The following HPN variants were observed in gnomAD, a reference collection of about 807,000 sequenced individuals.
HPN encodes serine protease hepsin.
In HPN, 13 loss-of-function variants were observed where a neutral mutation model predicts 55.9. The ratio of observed to expected loss-of-function variants is 0.23; its 90% CI spans 0.15 to 0.37. HPN has a LOEUF of 0.37. HPN is among the 10% of genes least tolerant of loss of function. HPN has a pLI of 1.00. For missense variants in HPN, 451 were observed against 575.8 expected (o/e 0.78, Z 2.22); for synonymous variants, 225 against 240.3 (o/e 0.94, Z 0.59).
At chr19:35,052,549 A>G (rs909503523) in intron 4 of HPN, among the ~76,000 whole-genome samples, 2 of 151,790 alleles carry the variant, frequency 1.3e-5, no homozygotes, top group South Asian at 4.2e-4. Flanking sequence ...AAAAAAAAAA[A>G]AAAAAAGGCT....
chr19:35,065,357 C>A lies in HPN; in HGVS notation c.907+12C>A. ...CACGCAGTACTATGGTGAGTCCTGT[C>A]CTCTGCCTCTGATGCCACCGTTTGG... On this transcript the variant is annotated intron_variant, in intron 10 of 12. Coordinates refer to ENST00000672452, the MANE Select transcript of HPN (RefSeq NM_001384133.1). 1 of 1,604,122 alleles carries A rather than the reference C, an allele frequency of 6.2e-7. No homozygotes were observed. Among genetic ancestry groups the A allele is most frequent in the Non-Finnish European group, 8.5e-7 (1 of 1,172,462 alleles).
intron 4 of HPN, among the ~76,000 whole-genome samples, chr19:35,053,648 G>A (rs140105410): frequency 0.015 from 2,334 of 152,356 alleles, 19 homozygotes; most frequent in Non-Finnish European, 0.023. Flanking sequence ...GGGAGGCTGA[G>A]GCATGAGAAT....
chr19:35,059,465 G>C (rs750465537), intron 4 of HPN: 94 of 707,192 alleles, frequency 1.3e-4, no homozygotes, highest in Admixed American at 1.2e-4. Flanking sequence ...CTGGGCAACA[G>C]AGCGAGACCC....
chr19:35,059,964 C>A lies in HPN; in HGVS notation c.381C>A (p.His127Gln), dbSNP rs112549208. The A allele has an allele frequency of 4.5e-6, 7 of 1,554,146 alleles. No individual in the cohort carries two copies. The highest frequency in any genetic ancestry group is 1.9e-5 in the Admixed American group (1 of 52,802). ...GTGTGGACGAGGGGAGGCTGCCCCACACCCAGAGGCTGCTGGAGGTCATCT... is the reference window on the plus strand; with the variant it reads ...GTGTGGACGAGGGGAGGCTGCCCCAAACCCAGAGGCTGCTGGAGGTCATCT... ...FFCVDEGRLP[H>Q]TQRLLEVISV... The change falls in exon 6 of 13, where the codon CAC (histidine) becomes CAA (glutamine). Residue 127 changes from histidine to glutamine, a missense_variant. By Grantham distance (24) the His-to-Gln change is conservative. This residue lies in a region of HPN where 378 missense variants were observed against 445.5 expected (regional missense o/e 0.85). Coordinates refer to ENST00000672452, the MANE Select transcript of HPN (RefSeq NM_001384133.1).
intron 4 of HPN, 21 bp from the exon 5 acceptor site, chr19:35,059,652 C>A: frequency 7.0e-6 from 11 of 1,581,700 alleles, no homozygotes; most frequent in Non-Finnish European, 9.4e-6. Context: ...CCAGGCGGCC[C>A]CGGGCCCTGT....
chr19:35,066,172 G>C, intron 12 of HPN, 77 bp from the exon 13 acceptor site: 1 of 1,613,698 alleles, frequency 6.2e-7, no homozygotes. Flanking sequence ...ACTTTGAAGG[G>C]TTCCTGGGGA....
At position 35,059,722 on chromosome 19, in the gene HPN, A is replaced by G. The variant is rs751499798; in HGVS notation, c.210A>G (p.Glu70=). The change falls in exon 5 of 13, where the codon GAA becomes GAG. Residue 70 remains glutamate (E), a synonymous_variant. Transcript: ENST00000672452. ...DARLMVFDKT[E]GTWRLLCSSR... ...GGCTCATGGTCTTTGACAAGACGGAAGGGACGTGGCGGCTGCTGTGCTCCT... is the reference window on the plus strand; with the variant it reads ...GGCTCATGGTCTTTGACAAGACGGAGGGGACGTGGCGGCTGCTGTGCTCCT... 1 of 1,600,064 alleles carries G rather than the reference A, an allele frequency of 6.2e-7. No homozygotes were observed. The highest frequency in any genetic ancestry group is 8.5e-7 in the Non-Finnish European group (1 of 1,174,030).
At chr19:35,062,860 T>G (rs1350291) in intron 9 of HPN, among the ~76,000 whole-genome samples, 129,443 of 151,810 alleles carry the variant, frequency 0.85, 56,242 homozygotes, top group Non-Finnish European at 0.93. Context: ...TCCAGCCTGG[T>G]TGATAGAGCG....
intron 4 of HPN, among the ~76,000 whole-genome samples, chr19:35,050,966 G>A (rs2064399827): frequency 7.5e-6 from 1 of 132,688 alleles, no homozygotes; most frequent in African/African-American, 2.9e-5. Context: ...GCCCAGGCTG[G>A]AGTGCAGTGA....
chr19:35,061,175 C>G (rs1688044), intron 9 of HPN, among the ~76,000 whole-genome samples: 128,864 of 152,150 alleles, frequency 0.85, 55,773 homozygotes, highest in Non-Finnish European at 0.93. Flanking sequence ...CAGCCCAAGA[C>G]TGTTTCATCG....
intron 9 of HPN, among the ~76,000 whole-genome samples, chr19:35,063,270 C>T (rs111858560): frequency 0.034 from 5,145 of 152,364 alleles, 307 homozygotes; most frequent in African/African-American, 0.12. Context: ...GCACTGGAAT[C>T]TGTGCTTGTG....
At chr19:35,048,091 A>AAGGT (rs2064366976) in intron 2 of HPN, among the ~76,000 whole-genome samples, 1 of 148,906 alleles carries the variant, frequency 6.7e-6, no homozygotes, top group Non-Finnish European at 1.5e-5. Context: ...AAAAGGAAGG[A>AAGGT]AGGAAGGAAA....
chr19:35,047,253 T>G (rs1600379621), intron 2 of HPN, among the ~76,000 whole-genome samples: 2 of 152,248 alleles, frequency 1.3e-5, no homozygotes, highest in East Asian at 3.8e-4. Context: ...TCTGGCCATC[T>G]GGCCATCTCG....
chr19:35,063,015 C>T (rs1350436880), intron 9 of HPN, among the ~76,000 whole-genome samples: 1 of 152,180 alleles, frequency 6.6e-6, no homozygotes. Flanking sequence ...TAAGGGAGTA[C>T]ATGATGAGTG....
intron 4 of HPN, among the ~76,000 whole-genome samples, chr19:35,057,556 A>C (rs943170895): frequency 1.3e-5 from 2 of 152,194 alleles, no homozygotes; most frequent in Non-Finnish European, 2.9e-5. Context: ...AGAAGTATTT[A>C]TACCAAAATG....
At chr19:35,064,244 C>T (rs902394768) in intron 9 of HPN, among the ~76,000 whole-genome samples, 2 of 152,188 alleles carry the variant, frequency 1.3e-5, no homozygotes, top group Non-Finnish European at 2.9e-5. Context: ...AGGGTTACCA[C>T]TCTCTCTGTA....
intron 2 of HPN, among the ~76,000 whole-genome samples, chr19:35,044,189 C>T (rs1013220419): frequency 3.3e-5 from 5 of 152,150 alleles, no homozygotes; most frequent in East Asian, 3.9e-4. Context: ...GCGGTGCGTC[C>T]GTGTGTGATT....
In HPN at chr19:35,041,784, G is replaced by A; in HGVS notation, c.-143G>A. The A allele has an allele frequency of 7.6e-7, 1 of 1,321,322 alleles. No individual in the cohort carries two copies. Among genetic ancestry groups the A allele is most frequent in the Non-Finnish European group, 9.9e-7 (1 of 1,008,560 alleles). The allele number at this position is 1,321,322 out of a possible 1,614,324, so 81.8% of individuals were successfully genotyped here. On this transcript the variant is annotated 5_prime_UTR_variant, in exon 1 of 13. Transcript: ENST00000672452. Reference sequence around the variant, plus strand: ...CTCTGCCTCCAGGCCGCCCGCTGCTGCGGGGCCACCATGCTCCTGCCCAGG... The same window carrying A: ...CTCTGCCTCCAGGCCGCCCGCTGCTACGGGGCCACCATGCTCCTGCCCAGG...
intron 4 of HPN, among the ~76,000 whole-genome samples, chr19:35,052,104 T>C (rs2064411311): frequency 1.3e-5 from 2 of 152,150 alleles, no homozygotes. Flanking sequence ...CAGAGGCAGA[T>C]TTCAGTTCTG....
Sources: allele counts gnomAD v4.1 joint callset (sites outside exome capture counted in the v4.1 genomes callset), GRCh38; gene constraint gnomAD v4.1.1; regional missense constraint gnomAD v4.1.1; transcripts MANE v1.5; gene names NCBI Gene and HGNC (gene_info 2026-07-23, HGNC 2026-07-21).